The following BLTP2 variants were observed in gnomAD, a reference collection of about 807,000 sequenced individuals.
BLTP2 encodes bridge-like lipid transfer protein family member 2.
At chr17:28,631,409 T>A in the BLTP2 span, 1 of 1,409,444 alleles carries the variant, frequency 7.1e-7, no homozygotes, top group Non-Finnish European at 9.9e-7. Flanking sequence ...TATTTTGTTA[T>A]GGCAGCCCAA....
chr17:28,619,968 A>T, the BLTP2 span: 1 of 1,612,678 alleles, frequency 6.2e-7, no homozygotes, highest in South Asian at 1.1e-5. Context: ...CTGGATTGCT[A>T]GAGATCTCAA....
chr17:28,633,688 C>T, the BLTP2 span: 1 of 1,614,106 alleles, frequency 6.2e-7, no homozygotes, highest in Non-Finnish European at 8.5e-7. Flanking sequence ...CACACACTGG[C>T]CAATTAGTGT....
the BLTP2 span, among the ~76,000 whole-genome samples, chr17:28,617,755 C>G: frequency 6.6e-6 from 1 of 152,004 alleles, no homozygotes; most frequent in Admixed American, 6.6e-5. Flanking sequence ...TCACCTGTAT[C>G]TGTATCTTAT....
the BLTP2 span, chr17:28,639,678 C>A: frequency 6.9e-6 from 11 of 1,595,054 alleles, no homozygotes; most frequent in South Asian, 1.1e-5. Context: ...GAGGAGAGCA[C>A]TGGAAGGGCA....
At chr17:28,640,012 T>G in the BLTP2 span, 1 of 1,613,636 alleles carries the variant, frequency 6.2e-7, no homozygotes, top group Non-Finnish European at 8.5e-7. Flanking sequence ...AGCTTCAGAG[T>G]CCAAGTCAGG....
chr17:28,617,333 T>A, the BLTP2 span: 1 of 1,602,346 alleles, frequency 6.2e-7, no homozygotes, highest in Non-Finnish European at 8.5e-7. Context: ...AAAGACAGAT[T>A]TTGCCCCATC....
At chr17:28,619,738 TCAAG>T in the BLTP2 span, 1 of 1,613,872 alleles carries the variant, frequency 6.2e-7, no homozygotes, top group East Asian at 2.2e-5. Context: ...CTGGTTCAGG[TCAAG>T]CAGATTCTCA....
the BLTP2 span, chr17:28,621,516 G>T: frequency 3.1e-6 from 5 of 1,589,060 alleles, no homozygotes; most frequent in Non-Finnish European, 4.3e-6. Context: ...AAGAGATGCA[G>T]GCAACTTTAG....
chr17:28,624,458 C>A, the BLTP2 span: 2 of 1,384,486 alleles, frequency 1.4e-6, no homozygotes, highest in South Asian at 2.7e-5. Context: ...CTTTCCAGAG[C>A]CAAATTGATC....
the BLTP2 span, chr17:28,634,875 A>G: frequency 6.2e-7 from 1 of 1,613,764 alleles, no homozygotes; most frequent in Non-Finnish European, 8.5e-7. Flanking sequence ...GTCTTTTGGC[A>G]CTCTCCTTAC....
chr17:28,618,358 C>T, the BLTP2 span, among the ~76,000 whole-genome samples: 1 of 151,024 alleles, frequency 6.6e-6, no homozygotes, highest in African/African-American at 2.4e-5. Flanking sequence ...CTCAAGCAAT[C>T]CTCCTGCCTC....
chr17:28,641,947 G>A, the BLTP2 span: 3 of 1,614,080 alleles, frequency 1.9e-6, no homozygotes, highest in South Asian at 3.3e-5. Flanking sequence ...GTTGGCTCTG[G>A]AAGAGGCCCT....
the BLTP2 span, among the ~76,000 whole-genome samples, chr17:28,629,084 A>T: frequency 6.7e-6 from 1 of 150,288 alleles, no homozygotes; most frequent in Admixed American, 6.6e-5. Context: ...TTCCTCTAAA[A>T]TTTTTTTTTT....
At chr17:28,644,740 C>T in the BLTP2 span, among the ~76,000 whole-genome samples, 2 of 152,182 alleles carry the variant, frequency 1.3e-5, no homozygotes, top group African/African-American at 4.8e-5. Context: ...TATTCAGTTC[C>T]TGGCCTCAGC....
chr17:28,644,928 T>C, the BLTP2 span: 4 of 1,413,642 alleles, frequency 2.8e-6, no homozygotes, highest in East Asian at 1.0e-4. Context: ...TCTTTCTTCC[T>C]CCTCTCCGCC....
chr17:28,618,726 G>T, the BLTP2 span: 53 of 1,305,776 alleles, frequency 4.1e-5, no homozygotes, highest in South Asian at 6.7e-4. Flanking sequence ...TTATGAGTTA[G>T]ACTCCTAAGC....
At chr17:28,631,763 T>G in the BLTP2 span, 1 of 1,602,934 alleles carries the variant, frequency 6.2e-7, no homozygotes, top group Non-Finnish European at 8.5e-7. Flanking sequence ...GGAATGGAAC[T>G]GAGAAGGGAA....
the BLTP2 span, chr17:28,639,693 G>GT: frequency 6.4e-7 from 1 of 1,553,158 alleles, no homozygotes; most frequent in African/African-American, 1.4e-5. Context: ...AGGGCAAGAG[G>GT]TAAAACTGGG....
chr17:28,638,021 C>T, the BLTP2 span: 1 of 1,614,176 alleles, frequency 6.2e-7, no homozygotes, highest in Non-Finnish European at 8.5e-7. Flanking sequence ...CACCTGAAGT[C>T]CTCGAATGGT....
Sources: gnomAD v4.1 joint callset for allele counts (sites outside exome capture counted in the v4.1 genomes callset) on GRCh38, gnomAD v4.1.1 for gene constraint, MANE v1.5 for transcripts, NCBI Gene and HGNC (gene_info 2026-07-23, HGNC 2026-07-21) for gene names.